Variants in RALY observed in about 807,000 individuals in gnomAD.
RALY encodes RALY heterogeneous nuclear ribonucleoprotein.
A neutral mutation model predicts 30.7 loss-of-function variants in RALY; 15 were observed. The ratio of observed to expected loss-of-function variants is 0.49; its 90% confidence interval spans 0.33 to 0.75. RALY has a LOEUF of 0.75. Ranked by LOEUF, RALY falls within the 30% of genes least tolerant of loss-of-function variation. The pLI is 0.02. For missense variants in RALY, 339 were observed against 414.3 expected (o/e 0.82, Z 1.58); for synonymous variants, 177 against 170.8 (o/e 1.04, Z -0.28).
intron 2 of RALY, among the ~76,000 whole-genome samples, chr20:34,032,067 A>G (rs1055915645): frequency 6.6e-6 from 1 of 152,192 alleles, no homozygotes; most frequent in African/African-American, 2.4e-5. Flanking sequence ...GGTTCAAGCA[A>G]TTCTCCTGCC....
At chr20:34,034,231 C>A (rs1422685144) in intron 2 of RALY, among the ~76,000 whole-genome samples, 1 of 152,198 alleles carries the variant, frequency 6.6e-6, no homozygotes, top group African/African-American at 2.4e-5. Flanking sequence ...ATGGTCATTC[C>A]AGTTTTTCTA....
chr20:34,049,895 AT>A (rs1258896057), intron 2 of RALY, among the ~76,000 whole-genome samples: 5 of 152,334 alleles, frequency 3.3e-5, no homozygotes, highest in African/African-American at 1.2e-4. Context: ...GTGGCAAATT[AT>A]CCCCTTCCCC....
At chr20:34,041,533 G>C (rs1293712416) in intron 2 of RALY, among the ~76,000 whole-genome samples, 1 of 152,188 alleles carries the variant, frequency 6.6e-6, no homozygotes, top group Non-Finnish European at 1.5e-5. Flanking sequence ...CTTGCAAAAG[G>C]AGCAGGCCCT....
At chr20:34,047,862 C>T (rs1411103855) in intron 2 of RALY, among the ~76,000 whole-genome samples, 2 of 152,180 alleles carry the variant, frequency 1.3e-5, no homozygotes, top group African/African-American at 4.8e-5. Flanking sequence ...GAGATAGCAG[C>T]AACGTCAGCA....
In RALY at chr20:34,082,980, G is replaced by A. The variant is rs2034053634; in HGVS notation, c.*3075G>A. On this transcript the variant is annotated 3_prime_UTR_variant, in exon 10 of 10. Coordinates refer to ENST00000246194, the MANE Select transcript of RALY (RefSeq NM_016732.3). ...GGTATACTGGATTGTGAGCTAAGAG[G>A]CCTGGGACTTTCCCCCTGTTGCTGC... 6.6e-6 allele frequency: 1 copy of A among 152,334 alleles called. No homozygotes were observed. Among genetic ancestry groups the A allele is most frequent in the South Asian group, 2.1e-4 (1 of 4,820 alleles). 9.4% of individuals were successfully genotyped at this position (152,334 alleles called of 1,614,324 possible). A position where few individuals can be genotyped will look rare whatever the true frequency, so the allele number is the denominator to read the frequency against.
chr20:34,059,228 G>T (rs1246679324), intron 2 of RALY, among the ~76,000 whole-genome samples: 1 of 152,180 alleles, frequency 6.6e-6, no homozygotes. Context: ...GTGCCACTCA[G>T]TGTGTTCAAG....
Position 34,013,339 on chromosome 20 carries a change from A to G in RALY, c.-92-18183A>G, listed in dbSNP as rs560265018. Reference sequence around the variant, plus strand: ...TGGGGTGGGAAGATCGCTTGAGCCTAGGAGGTTGAGGCTGTAGTAAGCCTT... The same window carrying G: ...TGGGGTGGGAAGATCGCTTGAGCCTGGGAGGTTGAGGCTGTAGTAAGCCTT... On this transcript the variant is annotated intron_variant, in intron 1 of 9. Coordinates refer to ENST00000246194, the MANE Select transcript of RALY (RefSeq NM_016732.3). Among the ~76,000 whole-genome samples, 17 of 146,428 alleles carry G rather than the reference A, an allele frequency of 1.2e-4. No homozygotes were observed. The South Asian group carries it at 3.9e-3, about 34-fold the overall frequency.
At chr20:34,006,494 A>G (rs2031163388) in intron 1 of RALY, among the ~76,000 whole-genome samples, 1 of 152,234 alleles carries the variant, frequency 6.6e-6, no homozygotes, top group Admixed American at 6.5e-5. Context: ...GGATTCATAT[A>G]AAGTCCACAC....
At chr20:33,996,598 C>T (rs1381080282) in intron 1 of RALY, among the ~76,000 whole-genome samples, 2 of 150,844 alleles carry the variant, frequency 1.3e-5, no homozygotes, top group East Asian at 1.9e-4. Flanking sequence ...GACAGTATAA[C>T]CTTAAAGCTG....
At chr20:34,077,910 G>T (rs954370558) in intron 8 of RALY, among the ~76,000 whole-genome samples, 1 of 152,216 alleles carries the variant, frequency 6.6e-6, no homozygotes, top group African/African-American at 2.4e-5. Flanking sequence ...TTTACCCTGT[G>T]AGGAAATCGA....
intron 1 of RALY, among the ~76,000 whole-genome samples, chr20:34,002,692 C>G (rs1173379303): frequency 6.6e-6 from 1 of 152,000 alleles, no homozygotes; most frequent in African/African-American, 2.4e-5. Flanking sequence ...TGTCCAACAC[C>G]CAGTGTGTAA....
At chr20:34,058,411 G>C (rs2033318433) in intron 2 of RALY, among the ~76,000 whole-genome samples, 4 of 152,182 alleles carry the variant, frequency 2.6e-5, no homozygotes, top group Admixed American at 2.6e-4. Context: ...AGTGAGAGAG[G>C]GGTCAGGGTG....
At chr20:34,070,574 GCTGA>G (rs2033699123) in intron 2 of RALY, among the ~76,000 whole-genome samples, 2 of 152,210 alleles carry the variant, frequency 1.3e-5, no homozygotes, top group African/African-American at 2.4e-5. Context: ...AGGTGAATGT[GCTGA>G]CTTTCTGTGG....
intron 2 of RALY, among the ~76,000 whole-genome samples, chr20:34,040,065 C>A (rs1196265494): frequency 6.6e-6 from 1 of 151,936 alleles, no homozygotes; most frequent in African/African-American, 2.4e-5. Context: ...GAGCAGAGAT[C>A]CCACCACTGC....
intron 2 of RALY, among the ~76,000 whole-genome samples, chr20:34,069,496 C>G (rs1441824375): frequency 2.6e-5 from 4 of 152,178 alleles, no homozygotes; most frequent in African/African-American, 9.7e-5. Flanking sequence ...TCCCTCTAGC[C>G]AAAGCAGGTG....
In RALY at chr20:34,084,705, C is replaced by CA. The variant is rs1214492840; in HGVS notation, c.*4801dup. The CA allele has an allele frequency of 2.6e-5, 4 of 152,286 alleles. No individual in the cohort carries two copies. Among genetic ancestry groups the CA allele is most frequent in the Non-Finnish European group, 5.9e-5 (4 of 68,106 alleles). 9.4% of individuals were successfully genotyped at this position (152,286 alleles called of 1,614,324 possible). On this transcript the variant is annotated 3_prime_UTR_variant, in exon 10 of 10. Coordinates refer to ENST00000246194, the MANE Select transcript of RALY (RefSeq NM_016732.3). ...ATGCTGTGAAGCAGCCCAGGCCACACAGAGAGGCCACGTGTACATGTTCAG... is the reference window on the plus strand; with the variant it reads ...ATGCTGTGAAGCAGCCCAGGCCACACAAGAGAGGCCACGTGTACATGTTCAG...
chr20:34,074,468 T>G (rs554615475), intron 5 of RALY, among the ~76,000 whole-genome samples: 1 of 152,206 alleles, frequency 6.6e-6, no homozygotes, highest in East Asian at 1.9e-4. Context: ...TCCTCCCTGC[T>G]TCTCTCCCTC....
chr20:34,048,728 C>T (rs1232891059), intron 2 of RALY, among the ~76,000 whole-genome samples: 2 of 151,606 alleles, frequency 1.3e-5, no homozygotes, highest in Admixed American at 6.6e-5. Flanking sequence ...TGGTGGCGGG[C>T]GCCTGTAGTC....
At chr20:34,003,633 A>ATTTT (rs2031020962) in intron 1 of RALY, among the ~76,000 whole-genome samples, 1 of 133,274 alleles carries the variant, frequency 7.5e-6, no homozygotes, top group African/African-American at 3.5e-5. Flanking sequence ...TATGCCAAAC[A>ATTTT]GTTTTTTTTT....
Sources: gnomAD v4.1 joint callset for allele counts (sites outside exome capture counted in the v4.1 genomes callset) on GRCh38, gnomAD v4.1.1 for gene constraint, MANE v1.5 for transcripts, NCBI Gene and HGNC (gene_info 2026-07-23, HGNC 2026-07-21) for gene names.